The following PELI2 variants were observed in gnomAD, a reference collection of about 807,000 sequenced individuals.
The protein encoded by PELI2 is pellino E3 ubiquitin protein ligase family member 2, also known as E3 ubiquitin-protein ligase pellino homolog 2.
In PELI2, 23 loss-of-function variants were observed where a neutral mutation model predicts 42.3. The observed-to-expected ratio is 0.54, with a 90% CI of 0.39 to 0.77. The LOEUF (loss-of-function observed/expected upper bound fraction) is 0.77, where lower values mean the gene tolerates loss of function less well. Among genes scored for constraint, PELI2 ranks in the 30% least tolerant of loss-of-function variants. The pLI is 0.00. For missense variants in PELI2, 463 were observed against 553.2 expected (o/e 0.84, Z 1.64); for synonymous variants, 245 against 212.2 (o/e 1.15, Z -1.34).
chr14:56,260,645 A>AT (rs1285363426), intron 2 of PELI2, among the ~76,000 whole-genome samples: 1 of 152,222 alleles, frequency 6.6e-6, no homozygotes, highest in Non-Finnish European at 1.5e-5. Context: ...AATAAAGCTG[A>AT]TTTTTAAAGT....
intron 2 of PELI2, among the ~76,000 whole-genome samples, chr14:56,266,137 A>G (rs560330470): frequency 6.6e-6 from 1 of 152,216 alleles, no homozygotes; most frequent in South Asian, 2.1e-4. Flanking sequence ...ATTTCTAAAC[A>G]TAAAGCCAAA....
rs551834339 is a variant in PELI2, at chr14:56,298,379, A to G, written c.*1213A>G. On this transcript the variant is annotated 3_prime_UTR_variant, in exon 6 of 6. Transcript: ENST00000267460. ...ATGAGAATTTCATAGGAGCTCCACC[A>G]TTCCTGTTACTTTCATTTCATTTTG... 1 of 152,386 alleles carries G rather than the reference A, an allele frequency of 6.6e-6. No individual in the cohort carries two copies. Among genetic ancestry groups the G allele is most frequent in the African/African-American group, 2.4e-5 (1 of 41,446 alleles). 9.4% of individuals were successfully genotyped at this position (152,386 alleles called of 1,614,324 possible).
intron 2 of PELI2, among the ~76,000 whole-genome samples, chr14:56,229,592 C>T (rs1420007440): frequency 2.0e-5 from 3 of 152,252 alleles, no homozygotes; most frequent in Middle Eastern, 3.4e-3. Flanking sequence ...CCCATCTGTA[C>T]GTCACCATCA....
intron 1 of PELI2, among the ~76,000 whole-genome samples, chr14:56,172,331 C>T (rs1303174924): frequency 1.3e-5 from 2 of 152,148 alleles, no homozygotes; most frequent in African/African-American, 4.8e-5. Context: ...CTACATGTGG[C>T]CTGCCCAGCA....
intron 2 of PELI2, among the ~76,000 whole-genome samples, chr14:56,237,076 G>C (rs1887823513): frequency 6.6e-6 from 1 of 152,090 alleles, no homozygotes; most frequent in African/African-American, 2.4e-5. Context: ...TTTAGCAAAT[G>C]TCCCCTCCTT....
intron 2 of PELI2, among the ~76,000 whole-genome samples, chr14:56,277,301 G>A (rs568358417): frequency 2.6e-4 from 39 of 152,112 alleles, no homozygotes; most frequent in African/African-American, 8.7e-4. Context: ...TCAGATCAGC[G>A]GTGGCATTAG....
At chr14:56,122,847 A>G (rs1346157986) in intron 1 of PELI2, among the ~76,000 whole-genome samples, 2 of 152,232 alleles carry the variant, frequency 1.3e-5, no homozygotes, top group South Asian at 2.1e-4. Flanking sequence ...GCACATGTGT[A>G]TAGCAATTTA....
At chr14:56,222,781 G>T (rs1887193154) in intron 2 of PELI2, among the ~76,000 whole-genome samples, 1 of 152,202 alleles carries the variant, frequency 6.6e-6, no homozygotes, top group Admixed American at 6.5e-5. Flanking sequence ...GTGTGGCGCA[G>T]GGAGCTGAGT....
chr14:56,177,990 A>G (rs748417425), intron 1 of PELI2, among the ~76,000 whole-genome samples: 4 of 152,230 alleles, frequency 2.6e-5, no homozygotes, highest in South Asian at 2.1e-4. Flanking sequence ...TCTGGGGTCT[A>G]TTAGAATGGT....
At position 56,134,706 on chromosome 14, in the gene PELI2, C is replaced by T. The variant is rs549964320; in HGVS notation, c.77+15969C>T. On this transcript the variant is annotated intron_variant, in intron 1 of 5. Transcript: ENST00000267460. Reference sequence around the variant, plus strand: ...CTGGAGTGATAACCGTGAAAGCCAACTTCAGTTTATTTTTTTCTCTCTTTT... The same window carrying T: ...CTGGAGTGATAACCGTGAAAGCCAATTTCAGTTTATTTTTTTCTCTCTTTT... 6.6e-5 allele frequency among the ~76,000 whole-genome samples: 10 copies of T among 151,480 alleles called. No homozygotes were observed. In the South Asian group the frequency reaches 1.9e-3, roughly 28 times the overall value.
In PELI2 at chr14:56,288,350, A is replaced by G. The variant is rs898528735; in HGVS notation, c.310-87A>G. On this transcript the variant is annotated intron_variant, in intron 3 of 5. Coordinates refer to ENST00000267460, the MANE Select transcript of PELI2 (RefSeq NM_021255.3). The surrounding 1 kb of genome is among the most constrained non-coding windows in gnomAD (Gnocchi z 4.6). ...TCAGAACAAGGATAGTGAATGTTAAAGGAATCCTGAATGCTTTTTCCTTGT... is the reference window on the plus strand; with the variant it reads ...TCAGAACAAGGATAGTGAATGTTAAGGGAATCCTGAATGCTTTTTCCTTGT... 8 of 961,672 alleles carry G rather than the reference A, an allele frequency of 8.3e-6. No homozygotes were observed. In the South Asian group the frequency reaches 8.8e-5, roughly 11 times the overall value. The allele number at this position is 961,672 out of a possible 1,614,324, so 59.6% of individuals were successfully genotyped here. A position where few individuals can be genotyped will look rare whatever the true frequency, so the allele number is the denominator to read the frequency against.
chr14:56,138,737 T>C (rs79346696), intron 1 of PELI2, among the ~76,000 whole-genome samples: 2,668 of 150,986 alleles, frequency 0.018, 82 homozygotes, highest in African/African-American at 0.063. Flanking sequence ...ATGGCATAAC[T>C]AAAATATATA....
chr14:56,157,471 T>A (rs1884609565), intron 1 of PELI2, among the ~76,000 whole-genome samples: 1 of 152,198 alleles, frequency 6.6e-6, no homozygotes, highest in East Asian at 1.9e-4. Flanking sequence ...AATGTAAAGC[T>A]GTGAATGGCT....
At chr14:56,224,790 G>A (rs1276461340) in intron 2 of PELI2, among the ~76,000 whole-genome samples, 1 of 152,088 alleles carries the variant, frequency 6.6e-6, no homozygotes, top group African/African-American at 2.4e-5. Context: ...CACTGGACTT[G>A]TGAGACTCAT....
intron 1 of PELI2, among the ~76,000 whole-genome samples, chr14:56,177,558 T>G (rs1885426240): frequency 6.6e-6 from 1 of 152,036 alleles, no homozygotes; most frequent in African/African-American, 2.4e-5. Context: ...TAATCCAGAG[T>G]TAGAAAATAC....
intron 1 of PELI2, among the ~76,000 whole-genome samples, chr14:56,167,599 T>C (rs1161659823): frequency 6.6e-6 from 1 of 152,228 alleles, no homozygotes; most frequent in Non-Finnish European, 1.5e-5. Context: ...TTTCTTCGAG[T>C]TTCCTCATAA....
intron 1 of PELI2, among the ~76,000 whole-genome samples, chr14:56,170,084 G>A (rs894332173): frequency 6.6e-6 from 1 of 152,266 alleles, no homozygotes; most frequent in African/African-American, 2.4e-5. Context: ...CTAGTGTCAC[G>A]TCCTGTTCAT....
At chr14:56,284,601 A>G (rs187705290) in intron 3 of PELI2, among the ~76,000 whole-genome samples, 2 of 149,314 alleles carry the variant, frequency 1.3e-5, no homozygotes, top group Admixed American at 1.3e-4. Context: ...TTAGATGATA[A>G]CATTTAATTA....
intron 2 of PELI2, among the ~76,000 whole-genome samples, chr14:56,270,416 A>G (rs948692824): frequency 2.0e-5 from 3 of 152,212 alleles, no homozygotes; most frequent in African/African-American, 7.2e-5. Flanking sequence ...CATATTTTAA[A>G]CATAAATTGA....
Sources: allele counts gnomAD v4.1 joint callset (sites outside exome capture counted in the v4.1 genomes callset), GRCh38; gene constraint gnomAD v4.1.1; non-coding constraint Gnocchi (gnomAD v3.1); transcripts MANE v1.5; gene names NCBI Gene and HGNC (gene_info 2026-07-23, HGNC 2026-07-21).